Variants in THSD4 observed in about 807,000 individuals in gnomAD.
THSD4 encodes thrombospondin type 1 domain containing 4, also known as thrombospondin type-1 domain-containing protein 4.
THSD4 carries 69 observed loss-of-function variants against 119.0 expected under a neutral mutation model. That is an observed-to-expected ratio of 0.58 (90% confidence interval 0.48 to 0.71). The LOEUF (loss-of-function observed/expected upper bound fraction) is 0.71. THSD4 is among the 30% of genes least tolerant of loss of function. The pLI, the probability that THSD4 is intolerant of heterozygous loss-of-function variation, is 0.00. For missense variants in THSD4, 1,393 were observed against 1,391.1 expected, an observed-to-expected ratio of 1.00 and a Z score of -0.02; for synonymous variants, 524 against 540.4, an observed-to-expected ratio of 0.97 and a Z score of 0.42.
intron 6 of THSD4, among the ~76,000 whole-genome samples, chr15:71,262,418 C>T (rs2044411824): frequency 6.6e-6 from 1 of 152,162 alleles, no homozygotes; most frequent in African/African-American, 2.4e-5. Flanking sequence ...ATGTCCATTA[C>T]ACCGAGCATG....
At chr15:71,240,542 A>G (rs1410254150) in intron 4 of THSD4, among the ~76,000 whole-genome samples, 4 of 152,170 alleles carry the variant, frequency 2.6e-5, no homozygotes, top group African/African-American at 9.7e-5. Context: ...CAACTTAACA[A>G]GATCCCAGGT....
chr15:71,409,908 T>C (rs978679335), intron 6 of THSD4, among the ~76,000 whole-genome samples: 1 of 152,160 alleles, frequency 6.6e-6, no homozygotes, highest in Non-Finnish European at 1.5e-5. Flanking sequence ...TTGTTTTTTT[T>C]ACATACAGTG....
At chr15:71,128,418 T>G (rs1191628276) in intron 1 of THSD4, among the ~76,000 whole-genome samples, 1 of 151,732 alleles carries the variant, frequency 6.6e-6, no homozygotes, top group Non-Finnish European at 1.5e-5. Flanking sequence ...TCCCAGCTAC[T>G]TGGACGGCTA....
At chr15:71,723,143 A>G (rs2052755646) in intron 8 of THSD4, among the ~76,000 whole-genome samples, 1 of 151,816 alleles carries the variant, frequency 6.6e-6, no homozygotes, top group Non-Finnish European at 1.5e-5. Context: ...GTATACTCAT[A>G]GAAGTATATC....
chr15:71,337,183 A>AG (rs1189739524), intron 6 of THSD4, among the ~76,000 whole-genome samples: 1 of 152,178 alleles, frequency 6.6e-6, no homozygotes, highest in African/African-American at 2.4e-5. Context: ...GAAAACATGA[A>AG]GTGGTCATTT....
intron 6 of THSD4, among the ~76,000 whole-genome samples, chr15:71,354,845 C>T (rs1181341625): frequency 6.6e-6 from 1 of 152,164 alleles, no homozygotes; most frequent in East Asian, 1.9e-4. Context: ...CCAATAAATA[C>T]CTTCCATATA....
At chr15:71,164,843 T>G in intron 3 of THSD4, 1 of 1,587,544 alleles carries the variant, frequency 6.3e-7, no homozygotes, top group Non-Finnish European at 8.5e-7. Context: ...CTCTTCATCT[T>G]CCTCATCTTC....
chr15:71,548,103 T>TG (rs1313289509), intron 7 of THSD4, among the ~76,000 whole-genome samples: 2 of 151,812 alleles, frequency 1.3e-5, no homozygotes, highest in Non-Finnish European at 2.9e-5. Context: ...TACAGTTTTT[T>TG]TTTTTTTTTA....
intron 7 of THSD4, among the ~76,000 whole-genome samples, chr15:71,484,598 T>C (rs1226036030): frequency 6.6e-6 from 1 of 152,184 alleles, no homozygotes; most frequent in Non-Finnish European, 1.5e-5. Context: ...CATACAGCCC[T>C]CTTTAAAAGG....
At chr15:71,355,246 C>G (rs1162132059) in intron 6 of THSD4, among the ~76,000 whole-genome samples, 1 of 152,190 alleles carries the variant, frequency 6.6e-6, no homozygotes, top group Non-Finnish European at 1.5e-5. Context: ...ATATAACACG[C>G]TTATTGCATA....
chr15:71,123,777 G>A (rs1395919168), intron 1 of THSD4, among the ~76,000 whole-genome samples: 1 of 152,200 alleles, frequency 6.6e-6, no homozygotes, highest in Non-Finnish European at 1.5e-5. Context: ...GGAAGTAGAA[G>A]CCTGTTGTGT....
chr15:71,616,904 G>A (rs17795871), intron 7 of THSD4, among the ~76,000 whole-genome samples: 26,875 of 152,172 alleles, frequency 0.18, 2,906 homozygotes, highest in Non-Finnish European at 0.24. Flanking sequence ...AAATCTCCTC[G>A]AAAGCTTCAT....
chr15:71,534,785 C>G (rs1159181261), intron 7 of THSD4, among the ~76,000 whole-genome samples: 2 of 152,112 alleles, frequency 1.3e-5, no homozygotes, highest in Non-Finnish European at 1.5e-5. Flanking sequence ...TCGAGACCAA[C>G]CTGGCCAACA....
chr15:71,495,267 G>T (rs892728899), intron 7 of THSD4, among the ~76,000 whole-genome samples: 1 of 152,016 alleles, frequency 6.6e-6, no homozygotes, highest in African/African-American at 2.4e-5. Flanking sequence ...CTACTGCTTG[G>T]AGCAGTTCCA....
chr15:71,139,411 G>A (rs1018131766), intron 1 of THSD4, among the ~76,000 whole-genome samples: 2 of 152,134 alleles, frequency 1.3e-5, no homozygotes, highest in African/African-American at 2.4e-5. Flanking sequence ...CCCTGACTTG[G>A]TGCAGACCTG....
intron 3 of THSD4, among the ~76,000 whole-genome samples, chr15:71,158,864 C>T (rs1475700624): frequency 2.0e-5 from 3 of 152,120 alleles, no homozygotes; most frequent in African/African-American, 7.2e-5. Flanking sequence ...GCTTTTGTTT[C>T]CTGTGCTTTT....
intron 7 of THSD4, among the ~76,000 whole-genome samples, chr15:71,562,537 C>G (rs527647360): frequency 1.3e-5 from 2 of 152,222 alleles, no homozygotes; most frequent in South Asian, 4.2e-4. Context: ...ATATCCTGAC[C>G]TCACGTTCTG....
At chr15:71,297,785 T>A (rs1313633356) in intron 6 of THSD4, among the ~76,000 whole-genome samples, 1 of 152,166 alleles carries the variant, frequency 6.6e-6, no homozygotes, top group Admixed American at 6.5e-5. Flanking sequence ...TTTTGCCTAT[T>A]TTTAAATTGG....
rs2044641768 is a variant in THSD4 at position 71,280,741 on chromosome 15, GT to G, written c.1015+24030del. ...TGTTCTGTCTTTCATGGTTAGTGGT[GT>G]TTTGGAGGTGTGTCTAAACCGAGCC... On this transcript the variant is annotated intron_variant, in intron 6 of 17. Coordinates refer to ENST00000261862, the MANE Select transcript of THSD4 (RefSeq NM_024817.3). Among the ~76,000 whole-genome samples the G allele has an allele frequency of 5.9e-5, 9 of 152,160 alleles. No homozygotes were observed. The South Asian group carries it at 1.9e-3, about 32-fold the overall frequency.
Sources: allele counts gnomAD v4.1 joint callset (sites outside exome capture counted in the v4.1 genomes callset), GRCh38; gene constraint gnomAD v4.1.1; transcripts MANE v1.5; gene names NCBI Gene and HGNC (gene_info 2026-07-23, HGNC 2026-07-21).